Variants in SORCS1 observed in about 807,000 individuals in gnomAD.
SORCS1 encodes VPS10 domain-containing receptor SorCS1.
Under a neutral mutation model 146.1 loss-of-function variants are expected in SORCS1, and 60 were observed. The observed-to-expected ratio is 0.41, with a 90% CI of 0.33 to 0.51. SORCS1 has a LOEUF of 0.51. SORCS1 is among the 20% of genes least tolerant of loss of function. The pLI, the probability that SORCS1 is intolerant of heterozygous loss-of-function variation, is 0.21. For synonymous variants in SORCS1, 637 were observed against 584.0 expected (o/e 1.09, Z -1.31); for missense variants, 1,352 against 1,487.6 (o/e 0.91, Z 1.50).
intron 24 of SORCS1, among the ~76,000 whole-genome samples, chr10:106,581,690 T>G (rs770226381): frequency 1.3e-5 from 2 of 151,984 alleles, no homozygotes; most frequent in Non-Finnish European, 2.9e-5. Flanking sequence ...TTTTATCCAG[T>G]CCCCACAACC....
intron 3 of SORCS1, among the ~76,000 whole-genome samples, chr10:106,815,034 C>G (rs1039137639): frequency 2.9e-4 from 44 of 151,844 alleles, no homozygotes; most frequent in African/African-American, 1.0e-3. Context: ...ACTTCGGCTC[C>G]CTGCAACCTC....
At chr10:106,665,467 TC>T (rs1851062748) in intron 17 of SORCS1, among the ~76,000 whole-genome samples, 1 of 151,478 alleles carries the variant, frequency 6.6e-6, no homozygotes, top group East Asian at 2.0e-4. Context: ...AAACGATCCT[TC>T]CACTTCAGCC....
intron 25 of SORCS1, 135 bp downstream of exon 25, chr10:106,579,234 T>C (rs758283458): frequency 5.6e-6 from 9 of 1,613,960 alleles, no homozygotes; most frequent in South Asian, 5.5e-5. Context: ...GGCATAAACA[T>C]TAATCCCCGG....
In SORCS1 at chr10:106,999,579, A is replaced by G. The variant is rs572103416; in HGVS notation, c.559-42999T>C. Among the ~76,000 whole-genome samples the G allele has an allele frequency of 3.3e-5, 5 of 152,302 alleles. No individual in the cohort carries two copies. The South Asian group carries it at 1.0e-3, about 32-fold the overall frequency. Reference sequence around the variant, plus strand: ...TACACATTTTTTCTCTCATCTCTTCACTTTGTCAGAGGAGAAATCACTTTG... The same window carrying G: ...TACACATTTTTTCTCTCATCTCTTCGCTTTGTCAGAGGAGAAATCACTTTG... On this transcript the variant is annotated intron_variant, in intron 1 of 25. Transcript: ENST00000263054.
At chr10:106,797,389 A>G (rs1221970653) in intron 3 of SORCS1, among the ~76,000 whole-genome samples, 1 of 152,146 alleles carries the variant, frequency 6.6e-6, no homozygotes, top group Non-Finnish European at 1.5e-5. Flanking sequence ...AGTAAACTAC[A>G]TGATGTTGTT....
At chr10:106,880,433 G>A (rs939434467) in intron 2 of SORCS1, among the ~76,000 whole-genome samples, 10 of 152,092 alleles carry the variant, frequency 6.6e-5, no homozygotes, top group Admixed American at 2.6e-4. Context: ...TCACTGAAGG[G>A]CATTAAAGGG....
intron 2 of SORCS1, among the ~76,000 whole-genome samples, chr10:106,930,717 T>C (rs937558153): frequency 2.0e-5 from 3 of 152,162 alleles, no homozygotes; most frequent in Admixed American, 2.0e-4. Context: ...TGATGGTTCT[T>C]AGGAGTCAGA....
Position 106,889,930 on chromosome 10 carries a change from C to G in SORCS1, c.627-60257G>C, listed in dbSNP as rs1951165421. The stretch of plus-strand genomic sequence containing the variant: ...AAAAAAAGCACTTCCCTAGACCTAG[C>G]TTGATATTAGGACACCCTGCTCTTC... On this transcript the variant is annotated intron_variant, in intron 2 of 25. Transcript: ENST00000263054. 2.7e-5 allele frequency among the ~76,000 whole-genome samples: 4 copies of G among 147,082 alleles called. No homozygotes were observed. In the South Asian group the frequency reaches 8.8e-4, roughly 32 times the overall value.
At chr10:107,154,291 C>A (rs761892394) in intron 1 of SORCS1, among the ~76,000 whole-genome samples, 45 of 152,106 alleles carry the variant, frequency 3.0e-4, no homozygotes, top group Non-Finnish European at 5.0e-4. Flanking sequence ...GCGTGAGCCA[C>A]CACGCCTGGC....
chr10:106,805,391 C>G (rs1462252194), intron 3 of SORCS1, among the ~76,000 whole-genome samples: 1 of 152,162 alleles, frequency 6.6e-6, no homozygotes, highest in African/African-American at 2.4e-5. Flanking sequence ...AAGCCAGCAG[C>G]TGCAAACTAC....
chr10:106,643,300 G>A (rs377350617), intron 18 of SORCS1, among the ~76,000 whole-genome samples: 22 of 152,164 alleles, frequency 1.4e-4, no homozygotes, highest in Non-Finnish European at 1.6e-4. Flanking sequence ...AATAAATGTT[G>A]GATAATCACA....
At chr10:106,832,181 CT>C (rs71025561) in intron 2 of SORCS1, among the ~76,000 whole-genome samples, 16,373 of 130,166 alleles carry the variant, frequency 0.13, 996 homozygotes, top group African/African-American at 0.33. Context: ...TTTGTTTTCG[CT>C]TTTTTTTTTT....
intron 2 of SORCS1, among the ~76,000 whole-genome samples, chr10:106,832,883 A>G (rs1948615999): frequency 6.6e-6 from 1 of 152,162 alleles, no homozygotes. Flanking sequence ...TATAATTTCT[A>G]TTAACTTGAT....
At chr10:106,872,095 C>T (rs554697764) in intron 2 of SORCS1, among the ~76,000 whole-genome samples, 17 of 152,136 alleles carry the variant, frequency 1.1e-4, no homozygotes, top group East Asian at 1.9e-4. Flanking sequence ...AATAAACAAA[C>T]ATATAAGTAA....
At chr10:106,791,736 T>G in intron 3 of SORCS1, among the ~76,000 whole-genome samples, 1 of 152,154 alleles carries the variant, frequency 6.6e-6, no homozygotes, top group Non-Finnish European at 1.5e-5. Flanking sequence ...TGCAACCACT[T>G]TTGATACACA....
At chr10:107,150,784 C>T (rs1204538658) in intron 1 of SORCS1, among the ~76,000 whole-genome samples, 1 of 152,136 alleles carries the variant, frequency 6.6e-6, no homozygotes, top group Admixed American at 6.5e-5. Context: ...GGGGCTTTTC[C>T]CCGTCTTCAC....
At chr10:106,622,259 CAGCCTGGTGACAG>C (rs1289393560) in intron 19 of SORCS1, among the ~76,000 whole-genome samples, 1 of 132,790 alleles carries the variant, frequency 7.5e-6, no homozygotes, top group Non-Finnish European at 1.5e-5. Context: ...CACTGCACTC[CAGCCTGGTGACAG>C]AGCAAGATTC....
intron 2 of SORCS1, among the ~76,000 whole-genome samples, chr10:106,940,294 GAC>G (rs1412751794): frequency 6.6e-6 from 1 of 152,138 alleles, no homozygotes; most frequent in Non-Finnish European, 1.5e-5. Context: ...ACCCACAGAT[GAC>G]ACAGATAACA....
At chr10:106,643,491 C>T (rs1849206499) in intron 18 of SORCS1, among the ~76,000 whole-genome samples, 1 of 152,224 alleles carries the variant, frequency 6.6e-6, no homozygotes, top group South Asian at 2.1e-4. Flanking sequence ...CAGCATCTCA[C>T]AATCACATGT....
Sources: gnomAD v4.1 joint callset for allele counts (sites outside exome capture counted in the v4.1 genomes callset) on GRCh38, gnomAD v4.1.1 for gene constraint, MANE v1.5 for transcripts, NCBI Gene and HGNC (gene_info 2026-07-23, HGNC 2026-07-21) for gene names.